Variants in ASB5 observed in about 807,000 individuals in gnomAD.
The protein encoded by ASB5 is ankyrin repeat and SOCS box containing 5.
In ASB5, 45 loss-of-function variants were observed where a neutral mutation model predicts 42.1. The observed-to-expected ratio is 1.07, with a 90% CI of 0.84 to 1.37. The LOEUF (loss-of-function observed/expected upper bound fraction) is 1.37. Ranked by LOEUF, ASB5 falls within the 40% of genes most tolerant of loss-of-function variation. The pLI, the probability that ASB5 is intolerant of heterozygous loss-of-function variation, is 0.00. For synonymous variants in ASB5, 147 were observed against 150.6 expected, an observed-to-expected ratio of 0.98 and a Z score of 0.18; for missense variants, 402 against 399.8, an observed-to-expected ratio of 1.01 and a Z score of -0.05.
intron 1 of ASB5, among the ~76,000 whole-genome samples, chr4:176,263,692 G>T (rs541999817): frequency 2.4e-4 from 36 of 152,138 alleles, no homozygotes; most frequent in Non-Finnish European, 4.3e-4. Context: ...CTACAGATTT[G>T]CTACAGATTC....
chr4:176,237,440 T>G (rs1174115945), intron 1 of ASB5: 1 of 985,808 alleles, frequency 1.0e-6, no homozygotes, highest in Admixed American at 6.1e-5. Flanking sequence ...GTTTTTTGTC[T>G]GTGACAACCA....
intron 1 of ASB5, among the ~76,000 whole-genome samples, chr4:176,242,068 G>A (rs771086340): frequency 3.3e-5 from 5 of 152,150 alleles, no homozygotes; most frequent in South Asian, 2.1e-4. Context: ...GACCAGTGAC[G>A]TGTGCAAACA....
chr4:176,273,685 T>A (rs898760220), upstream of ASB5, among the ~76,000 whole-genome samples: 21 of 152,200 alleles, frequency 1.4e-4, no homozygotes, highest in African/African-American at 5.1e-4. Flanking sequence ...AAAATTGAGT[T>A]ACATCAAACA....
At chr4:176,252,005 G>T (rs922231626) in intron 1 of ASB5, among the ~76,000 whole-genome samples, 1 of 144,980 alleles carries the variant, frequency 6.9e-6, no homozygotes, top group African/African-American at 2.6e-5. Context: ...CCTTGAGGCT[G>T]CAGTGAGCTA....
chr4:176,221,625 CA>C (rs879669342), intron 3 of ASB5, 25 bp from the exon 4 acceptor site: 3 of 1,571,534 alleles, frequency 1.9e-6, no homozygotes, highest in Non-Finnish European at 2.6e-6. Context: ...AATATCCAAA[CA>C]TAAGATTCAT....
intron 1 of ASB5, among the ~76,000 whole-genome samples, chr4:176,248,130 T>TA: frequency 6.6e-6 from 1 of 152,300 alleles, no homozygotes; most frequent in East Asian, 1.9e-4. Flanking sequence ...TTTTATTTTT[T>TA]ATCTTTTCAT....
At chr4:176,217,732 T>C (rs541129268) in intron 5 of ASB5, among the ~76,000 whole-genome samples, 57 of 152,262 alleles carry the variant, frequency 3.7e-4, no homozygotes, top group African/African-American at 8.4e-4. Flanking sequence ...GGTCATTCAA[T>C]GCATTTGCAA....
At position 176,221,461 on chromosome 4, in the gene ASB5, G is replaced by C; in HGVS notation, c.524C>G (p.Ala175Gly). The change falls in exon 4 of 7, where the codon GCC (alanine) becomes GGC (glycine). Residue 175 changes from alanine (A) to glycine (G), a missense_variant. Coordinates refer to ENST00000296525, the MANE Select transcript of ASB5 (RefSeq NM_080874.4). ...CAGAACTAAGTTACCTTTACTGGCG[G>C]CCTCATGCGTTGGGGATGGAAGACA... is the stretch of plus-strand genomic sequence containing the variant. ...ESCLPSPTHE[A>G]ASKGHHECLD... The C allele has an allele frequency of 6.2e-7, 1 of 1,613,308 alleles. No homozygotes were observed. The highest frequency in any genetic ancestry group is 8.5e-7 in the Non-Finnish European group (1 of 1,179,804).
intron 4 of ASB5, 74 bp from the exon 5 acceptor site, chr4:176,221,363 G>A (rs1414705388): frequency 6.3e-7 from 1 of 1,597,128 alleles, no homozygotes; most frequent in Non-Finnish European, 8.5e-7. Flanking sequence ...CTTCCCTTGT[G>A]GTGTCATTCA....
At chr4:176,233,019 CT>C (rs1753588980) in intron 1 of ASB5, among the ~76,000 whole-genome samples, 1 of 152,196 alleles carries the variant, frequency 6.6e-6, no homozygotes, top group Non-Finnish European at 1.5e-5. Context: ...CAGTTAACAT[CT>C]TGAAACCCAG....
At chr4:176,238,911 T>G (rs191544304) in intron 1 of ASB5, among the ~76,000 whole-genome samples, 1 of 152,254 alleles carries the variant, frequency 6.6e-6, no homozygotes, top group African/African-American at 2.4e-5. Context: ...CAGCTGTTTG[T>G]GTGACCTGGA....
intron 5 of ASB5, among the ~76,000 whole-genome samples, chr4:176,218,228 TATATATATTTGTATGATATATAA>T (rs1753035105): frequency 1.9e-5 from 1 of 53,518 alleles, no homozygotes; most frequent in Admixed American, 2.8e-4. Context: ...GATATAAATA[TATATATATTTGTATGATATATAA>T]ATATATATAT....
chr4:176,221,319 T>C, intron 4 of ASB5, 30 bp from the exon 5 acceptor site: 2 of 1,611,604 alleles, frequency 1.2e-6, no homozygotes, highest in Non-Finnish European at 1.7e-6. Flanking sequence ...GAGTTTAACT[T>C]AATGCCCATC....
rs372769271 is a variant in ASB5, at chr4:176,218,669, AAT to A, written c.671-1662_671-1661del. 3.2e-3 allele frequency among the ~76,000 whole-genome samples: 99 copies of A among 30,838 alleles called. 1 individual carries two copies. Among genetic ancestry groups the A allele is most frequent in the Admixed American group, 5.1e-3 (9 of 1,756 alleles). The allele number at this position is 30,838 out of a possible 152,430, so 20.2% of individuals were successfully genotyped here. On this transcript the variant is annotated intron_variant, in intron 5 of 6. Transcript: ENST00000296525. The stretch of plus-strand genomic sequence containing the variant: ...AATATATATATTTGTATGATATATA[AAT>A]ATATATATATTTGTATGATATATAA...
chr4:176,215,866 T>C (rs974278814), intron 6 of ASB5, 139 bp from the exon 7 acceptor site: 6 of 643,808 alleles, frequency 9.3e-6, no homozygotes, highest in Non-Finnish European at 1.5e-5. Flanking sequence ...CTAGGGAAAT[T>C]TATGTAAGCA....
At chr4:176,231,788 T>G (rs1753553056) in intron 1 of ASB5, among the ~76,000 whole-genome samples, 1 of 152,016 alleles carries the variant, frequency 6.6e-6, no homozygotes, top group South Asian at 2.1e-4. Flanking sequence ...GAGGCTGCAG[T>G]GAGCTGTGTT....
upstream of ASB5, among the ~76,000 whole-genome samples, chr4:176,270,517 G>C (rs1754449465): frequency 6.6e-6 from 1 of 151,660 alleles, no homozygotes. Flanking sequence ...ATGAATGAAT[G>C]GCTCTCAGAA....
intron 1 of ASB5, 67 bp from the exon 2 acceptor site, chr4:176,225,408 A>C (rs1753349133): frequency 7.6e-7 from 1 of 1,308,394 alleles, no homozygotes; most frequent in Non-Finnish European, 1.1e-6. Context: ...ATCCCAGTAG[A>C]CACAATCAAT....
chr4:176,272,163 T>C (rs1754481519), upstream of ASB5, among the ~76,000 whole-genome samples: 1 of 152,104 alleles, frequency 6.6e-6, no homozygotes, highest in African/African-American at 2.4e-5. Flanking sequence ...TGTTGGTGAG[T>C]GGTTTCCACT....
Sources: allele counts gnomAD v4.1 joint callset (sites outside exome capture counted in the v4.1 genomes callset), GRCh38; gene constraint gnomAD v4.1.1; transcripts MANE v1.5; gene names NCBI Gene and HGNC (gene_info 2026-07-23, HGNC 2026-07-21).